PLXND1: variants seen among roughly 807,000 people sequenced by gnomAD.
PLXND1 encodes the protein plexin D1.
In PLXND1, 54 loss-of-function variants were observed where a neutral mutation model predicts 197.7. The observed-to-expected ratio is 0.27, with a 90% CI of 0.22 to 0.34. The LOEUF (loss-of-function observed/expected upper bound fraction) is 0.34. PLXND1 is among the 10% of genes least tolerant of loss of function. PLXND1 has a pLI of 1.00. For missense variants in PLXND1, 2,127 were observed against 2,699.2 expected, an observed-to-expected ratio of 0.79 and a Z score of 4.70; for synonymous variants, 1,180 against 1,161.2, an observed-to-expected ratio of 1.02 and a Z score of -0.33.
chr3:129,584,762 A>G (rs2085436361), intron 5 of PLXND1, among the ~76,000 whole-genome samples, 200 bp from the exon 6 acceptor site: 1 of 152,106 alleles, frequency 6.6e-6, no homozygotes, highest in Non-Finnish European at 1.5e-5. Flanking sequence ...GCAAAATGAA[A>G]CATCATCTTA....
At chr3:129,589,311 C>CCCACCCCCCCCCCA in intron 2 of PLXND1, 40 bp downstream of exon 2, 1 of 448,874 alleles carries the variant, frequency 2.2e-6, no homozygotes, top group Non-Finnish European at 4.4e-6. Flanking sequence ...AGGGGAGCCT[C>CCCACCCCCCCCCCA]CCACCCCCAC....
chr3:129,605,076 C>G (rs2085763667), intron 1 of PLXND1, among the ~76,000 whole-genome samples: 1 of 152,212 alleles, frequency 6.6e-6, no homozygotes, highest in Non-Finnish European at 1.5e-5. Context: ...CCCAGTACGC[C>G]TAGGTATGCG....
At chr3:129,583,738 G>A in intron 7 of PLXND1, 69 bp from the exon 8 acceptor site, 1 of 1,013,230 alleles carries the variant, frequency 9.9e-7, no homozygotes, top group South Asian at 1.4e-5. Flanking sequence ...CCAGGAACTA[G>A]AACCCAAAAG....
At chr3:129,560,464 C>T (rs776969990) in intron 30 of PLXND1, 30 bp from the exon 31 acceptor site, 1 of 1,459,652 alleles carries the variant, frequency 6.9e-7, no homozygotes, top group Non-Finnish European at 9.6e-7. Flanking sequence ...TCAGTGTCCG[C>T]ACCAGGCCCC....
rs769351907 is a variant in PLXND1, at chr3:129,567,553, C to T, written c.4025G>A (p.Arg1342His). 21 of 1,611,764 alleles carry T rather than the reference C, an allele frequency of 1.3e-5. No homozygotes were observed. The African/African-American group carries it at 1.3e-4, about 10-fold the overall frequency. The change falls in exon 22 of 36, where the codon CGC (arginine) becomes CAC (histidine). Residue 1342 changes from arginine (R) to histidine (H), a missense_variant. Arg to His is a conservative substitution (Grantham distance 29). This residue lies in a region of PLXND1 where 532 missense variants were observed against 811.0 expected (regional missense o/e 0.66). Transcript: ENST00000324093. ...DMTDLTKELN[R>H]SQGIPFLEYK... Reference sequence around the variant, plus strand: ...CTCCAGGAAGGGGATGCCCTGGCTGCGGTTCAGCTCCTTGGTGAGATCTGT... The same window carrying T: ...CTCCAGGAAGGGGATGCCCTGGCTGTGGTTCAGCTCCTTGGTGAGATCTGT...
intron 1 of PLXND1, among the ~76,000 whole-genome samples, chr3:129,597,016 A>G (rs2085635717): frequency 6.6e-6 from 1 of 152,242 alleles, no homozygotes; most frequent in Non-Finnish European, 1.5e-5. Flanking sequence ...AGTTCGGTAG[A>G]GTGACAGTAG....
Position 129,561,742 on chromosome 3 carries a change from C to T in PLXND1, c.4930-33G>A, listed in dbSNP as rs200091456. ...GAGGGGAGAGGCCGAGGTCAGAGGC[C>T]GGAGGTTGGGGTGGGGGCATGAGGG... On this transcript the variant is annotated intron_variant, in intron 28 of 35. Coordinates refer to ENST00000324093, the MANE Select transcript of PLXND1 (RefSeq NM_015103.3). 321 of 881,348 alleles carry T rather than the reference C, an allele frequency of 3.6e-4. No homozygotes were observed. The African/African-American group carries it at 8.5e-3, about 23-fold the overall frequency. 54.6% of individuals were successfully genotyped at this position (881,348 alleles called of 1,614,324 possible).
intron 25 of PLXND1, among the ~76,000 whole-genome samples, chr3:129,563,664 T>C (rs976094090): frequency 2.0e-5 from 3 of 152,148 alleles, no homozygotes; most frequent in African/African-American, 7.2e-5. Flanking sequence ...GAAACACCGA[T>C]GTGGCCTCGA....
chr3:129,576,132 A>G (rs1435924114), intron 9 of PLXND1, among the ~76,000 whole-genome samples: 1 of 152,192 alleles, frequency 6.6e-6, no homozygotes, highest in Non-Finnish European at 1.5e-5. Context: ...GATCTAACCC[A>G]GGGGCCTTGT....
At chr3:129,563,284 C>G in intron 25 of PLXND1, 44 bp from the exon 26 acceptor site, 1 of 1,534,420 alleles carries the variant, frequency 6.5e-7, no homozygotes, top group Non-Finnish European at 8.8e-7. Context: ...CCTCTGTATT[C>G]CAGCCCCCAT....
At chr3:129,566,297 G>A in intron 23 of PLXND1, 2 of 602,058 alleles carry the variant, frequency 3.3e-6, no homozygotes, top group South Asian at 3.9e-5. Flanking sequence ...GGTGTACAGG[G>A]GGGCCCAATC....
intron 23 of PLXND1, 199 bp from the exon 24 acceptor site, chr3:129,566,216 G>T: frequency 1.6e-6 from 1 of 614,296 alleles, no homozygotes; most frequent in Non-Finnish European, 2.9e-6. Context: ...GAAGGGTAAG[G>T]GTGCCTGGAG....
At chr3:129,578,304 C>T (rs369529591) in intron 9 of PLXND1, 25 bp downstream of exon 9, 17 of 1,480,604 alleles carry the variant, frequency 1.1e-5, no homozygotes, top group South Asian at 3.6e-5. Flanking sequence ...TGGCCCCACC[C>T]GGCGCTGGCC....
rs1390731870 is a variant in PLXND1 at position 129,555,241 on chromosome 3, A to G, written c.*1071T>C. The G allele has an allele frequency of 4.5e-6, 2 of 443,120 alleles. No homozygotes were observed. Among genetic ancestry groups the G allele is most frequent in the Non-Finnish European group, 7.9e-6 (2 of 252,856 alleles). The allele number at this position is 443,120 out of a possible 1,614,324, so 27.4% of individuals were successfully genotyped here. On this transcript the variant is annotated 3_prime_UTR_variant, in exon 36 of 36. Transcript: ENST00000324093. ...GGTTTGTCCGTAAGGCTTTTATTAT[A>G]AAGAAGATTCCAGAGTCCCAGCTGC...
At chr3:129,556,844 C>T (rs980776786) in intron 34 of PLXND1, 153 bp from the exon 35 acceptor site, 20 of 698,854 alleles carry the variant, frequency 2.9e-5, no homozygotes, top group African/African-American at 5.3e-5. Flanking sequence ...TGGACGAAGA[C>T]GGCTTCCCGG....
At chr3:129,565,282 C>T in intron 25 of PLXND1, 58 bp downstream of exon 25, 1 of 1,478,294 alleles carries the variant, frequency 6.8e-7, no homozygotes, top group Non-Finnish European at 9.4e-7. Context: ...GGGGTCACTG[C>T]CGCTGAGTCC....
chr3:129,590,850 C>CA (rs966236748), intron 1 of PLXND1, among the ~76,000 whole-genome samples: 7 of 152,222 alleles, frequency 4.6e-5, no homozygotes, highest in Non-Finnish European at 1.0e-4. Flanking sequence ...GCCCATGCCT[C>CA]AGCTGCATTT....
At position 129,577,216 on chromosome 3, in the gene PLXND1, C is replaced by G. The variant is rs2085325376; in HGVS notation, c.2346+1113G>C. ...CCAGGGTGTAGGCTCAGCAAACAGG[C>G]CCCCACCGCTGGGCCTGACTTCAGT... On this transcript the variant is annotated intron_variant, in intron 9 of 35. Coordinates refer to ENST00000324093, the MANE Select transcript of PLXND1 (RefSeq NM_015103.3). This position sits in a 1 kb window ranked among gnomAD's most constrained non-coding sequence, Gnocchi z 5.0. Among the ~76,000 whole-genome samples the G allele has an allele frequency of 6.6e-6, 1 of 152,156 alleles. No individual in the cohort carries two copies. The highest frequency in any genetic ancestry group is 1.5e-5 in the Non-Finnish European group (1 of 68,008).
At chr3:129,583,459 C>A (rs543520206) in intron 8 of PLXND1, 108 bp downstream of exon 8, 50 of 722,758 alleles carry the variant, frequency 6.9e-5, no homozygotes, top group Non-Finnish European at 1.1e-4. Context: ...CTGTCAAAGC[C>A]AAAGCTAAGG....
Sources: allele counts gnomAD v4.1 joint callset (sites outside exome capture counted in the v4.1 genomes callset), GRCh38; gene constraint gnomAD v4.1.1; regional missense constraint gnomAD v4.1.1; non-coding constraint Gnocchi (gnomAD v3.1); transcripts MANE v1.5; gene names NCBI Gene and HGNC (gene_info 2026-07-23, HGNC 2026-07-21).